Variants in PPP1R12A observed in about 807,000 individuals in gnomAD.
PPP1R12A encodes protein phosphatase 1 regulatory subunit 12A.
PPP1R12A carries 19 observed loss-of-function variants against 139.6 expected under a neutral mutation model. The ratio of observed to expected loss-of-function variants is 0.14; its 90% CI spans 0.09 to 0.20. The LOEUF is 0.20. Ranked by LOEUF, PPP1R12A falls within the 10% of genes least tolerant of loss-of-function variation. The pLI, the probability that PPP1R12A is intolerant of heterozygous loss-of-function variation, is 1.00. For synonymous variants in PPP1R12A, 427 were observed against 420.6 expected, an observed-to-expected ratio of 1.02 and a Z score of -0.19; for missense variants, 925 against 1,211.5, an observed-to-expected ratio of 0.76 and a Z score of 3.51.
intron 22 of PPP1R12A, among the ~76,000 whole-genome samples, chr12:79,783,576 T>C (rs986153998): frequency 6.6e-6 from 1 of 152,178 alleles, no homozygotes; most frequent in Admixed American, 6.5e-5. Flanking sequence ...AAACAAAGGC[T>C]GATACACCAC....
intron 15 of PPP1R12A, 27 bp downstream of exon 15, chr12:79,798,467 T>C: frequency 7.1e-7 from 1 of 1,402,312 alleles, no homozygotes; most frequent in Admixed American, 2.1e-5. Context: ...TTATGTAAGT[T>C]TTATATATTA....
At chr12:79,778,076 G>A (rs1239592130) in intron 24 of PPP1R12A, among the ~76,000 whole-genome samples, 2 of 151,946 alleles carry the variant, frequency 1.3e-5, no homozygotes, top group South Asian at 2.1e-4. Context: ...TATTTCTATA[G>A]GTAATATGGA....
chr12:79,782,034 A>G (rs1006469716), intron 22 of PPP1R12A, 172 bp from the exon 23 acceptor site: 13 of 405,122 alleles, frequency 3.2e-5, no homozygotes, highest in African/African-American at 1.2e-4. Flanking sequence ...AAAGAGTGCA[A>G]TGAATGTTTA....
At chr12:79,917,303 G>A (rs2136932929) in intron 1 of PPP1R12A, among the ~76,000 whole-genome samples, 1 of 151,964 alleles carries the variant, frequency 6.6e-6, no homozygotes, top group East Asian at 1.9e-4. Context: ...TGACCAACAT[G>A]GTGAAACCCC....
chr12:79,913,595 T>C (rs2136920971), intron 1 of PPP1R12A, among the ~76,000 whole-genome samples: 1 of 152,322 alleles, frequency 6.6e-6, no homozygotes, highest in Non-Finnish European at 1.5e-5. Context: ...TAAGTCTTAA[T>C]GTCCATCAGA....
intron 1 of PPP1R12A, among the ~76,000 whole-genome samples, chr12:79,892,186 C>T (rs181921268): frequency 3.0e-4 from 46 of 152,244 alleles, no homozygotes; most frequent in African/African-American, 1.1e-3. Flanking sequence ...GTCTTTTCTC[C>T]TGTATTTTCA....
chr12:79,807,211 GA>G lies in PPP1R12A; in HGVS notation c.1655+14del. 1.4e-6 allele frequency: 2 copies of G among 1,413,222 alleles called. No individual in the cohort carries two copies. The highest frequency in any genetic ancestry group is 1.9e-6 in the Non-Finnish European group (2 of 1,037,812). 87.5% of individuals were successfully genotyped at this position (1,413,222 alleles called of 1,614,324 possible). Reference sequence around the variant, plus strand: ...AAATGAATACATAAAAACCGCTTAAGAATAGTATTATTACCTTTTATGATAC... The same window carrying G: ...AAATGAATACATAAAAACCGCTTAAGATAGTATTATTACCTTTTATGATAC... On this transcript the variant is annotated intron_variant, in intron 12 of 24. Transcript: ENST00000450142.
chr12:79,817,653 C>T (rs567502751), intron 8 of PPP1R12A, 135 bp from the exon 9 acceptor site: 75 of 764,858 alleles, frequency 9.8e-5, no homozygotes, highest in Middle Eastern at 4.3e-4. Context: ...GATTCCTTTT[C>T]GCAAGTCAGT....
intron 1 of PPP1R12A, among the ~76,000 whole-genome samples, chr12:79,915,236 G>A (rs1886901264): frequency 1.3e-5 from 2 of 152,178 alleles, no homozygotes; most frequent in East Asian, 3.9e-4. Flanking sequence ...ACGTGTGCTT[G>A]CTTATGTGTG....
chr12:79,806,387 T>C, intron 12 of PPP1R12A, 54 bp from the exon 13 acceptor site: 1 of 1,481,006 alleles, frequency 6.8e-7, no homozygotes, highest in East Asian at 2.3e-5. Flanking sequence ...TATTCTATAG[T>C]TAATGTCTAT....
intron 20 of PPP1R12A, chr12:79,789,473 G>A (rs1871532514): frequency 3.4e-6 from 1 of 295,356 alleles, no homozygotes; most frequent in Admixed American, 4.9e-5. Flanking sequence ...AATGAGTAAT[G>A]TCTTAGATTT....
At chr12:79,789,133 T>C (rs1005969134) in intron 20 of PPP1R12A, among the ~76,000 whole-genome samples, 6 of 152,122 alleles carry the variant, frequency 3.9e-5, no homozygotes, top group Admixed American at 2.0e-4. Flanking sequence ...GGTTTCACCA[T>C]GTTGCCCAGG....
At position 79,777,087 on chromosome 12, in the gene PPP1R12A, T is replaced by C. The variant is rs955723266; in HGVS notation, c.3007-1072A>G. 6.1e-6 allele frequency: 5 copies of C among 825,894 alleles called. No individual in the cohort carries two copies. The African/African-American group carries it at 7.4e-5, about 12-fold the overall frequency. 51.2% of individuals were successfully genotyped at this position (825,894 alleles called of 1,614,324 possible). A position where few individuals can be genotyped will look rare whatever the true frequency, so the allele number is the denominator to read the frequency against. On this transcript the variant is annotated intron_variant, in intron 24 of 24. Coordinates refer to ENST00000450142, the MANE Select transcript of PPP1R12A (RefSeq NM_002480.3). ...TAATATAAACTTAAATATAAACTAA[T>C]GTGGTTCTGACTTCAAATGACATTA...
intron 1 of PPP1R12A, among the ~76,000 whole-genome samples, chr12:79,932,199 A>T (rs1391447275): frequency 6.6e-6 from 1 of 152,234 alleles, no homozygotes; most frequent in Non-Finnish European, 1.5e-5. Context: ...AAGGACTATT[A>T]AATCAGTGAT....
chr12:79,802,569 G>A (rs1261513151), intron 14 of PPP1R12A, among the ~76,000 whole-genome samples: 2 of 152,118 alleles, frequency 1.3e-5, no homozygotes, highest in Non-Finnish European at 2.9e-5. Flanking sequence ...GACTGCTTGT[G>A]GCCAGGAGTT....
chr12:79,845,260 C>A, intron 3 of PPP1R12A, 42 bp downstream of exon 3: 1 of 1,426,392 alleles, frequency 7.0e-7, no homozygotes, highest in Non-Finnish European at 9.7e-7. Context: ...GTATCACATT[C>A]TTTCTAAAAC....
chr12:79,863,074 C>T (rs980050250), intron 2 of PPP1R12A, among the ~76,000 whole-genome samples: 7 of 152,080 alleles, frequency 4.6e-5, no homozygotes, highest in South Asian at 4.2e-4. Context: ...GAGAGAAAGG[C>T]TGGGTTACCC....
rs113147135 is a variant in PPP1R12A at position 79,782,876 on chromosome 12, A to C, written c.2908-1014T>G. ...AAACATATTGATTAAACACAATTTC[A>C]CTGTTAAATGTGGTAATTTTAAAAA... On this transcript the variant is annotated intron_variant, in intron 22 of 24. Transcript: ENST00000450142. Among the ~76,000 whole-genome samples the C allele has an allele frequency of 8.5e-3, 1,301 of 152,286 alleles. 18 individuals are homozygous for C. The highest frequency in any genetic ancestry group is 0.029 in the African/African-American group (1,200 of 41,546).
chr12:79,894,080 T>C lies in PPP1R12A; in HGVS notation c.238-21142A>G, dbSNP rs140277807. Among the ~76,000 whole-genome samples, 538 of 152,308 alleles carry C rather than the reference T, an allele frequency of 3.5e-3. 3 individuals carry two copies. The highest frequency in any genetic ancestry group is 0.013 in the African/African-American group (520 of 41,580). ...ATCAATGAAACCTACACTTCCTAGTTACACCACATGAAGATCTAACCCCTC... is the reference window on the plus strand; with the variant it reads ...ATCAATGAAACCTACACTTCCTAGTCACACCACATGAAGATCTAACCCCTC... On this transcript the variant is annotated intron_variant, in intron 1 of 24. Transcript: ENST00000450142.
Sources: gnomAD v4.1 joint callset for allele counts (sites outside exome capture counted in the v4.1 genomes callset) on GRCh38, gnomAD v4.1.1 for gene constraint, MANE v1.5 for transcripts, NCBI Gene and HGNC (gene_info 2026-07-23, HGNC 2026-07-21) for gene names.